Variants in DNAH8 observed in about 807,000 individuals in gnomAD.
DNAH8 encodes axonemal beta dynein heavy chain 8.
A neutral mutation model predicts 562.1 loss-of-function variants in DNAH8; 382 were observed. The ratio of observed to expected loss-of-function variants is 0.68; its 90% confidence interval spans 0.63 to 0.74. DNAH8 has a LOEUF of 0.74. DNAH8 is among the 30% of genes least tolerant of loss of function. The pLI is 0.00. For missense variants in DNAH8, 5,203 were observed against 5,620.4 expected, an observed-to-expected ratio of 0.93 and a Z score of 2.37; for synonymous variants, 1,881 against 1,919.4, an observed-to-expected ratio of 0.98 and a Z score of 0.52.
At chr6:38,813,124 G>A (rs1771943982) in intron 24 of DNAH8, among the ~76,000 whole-genome samples, 1 of 152,090 alleles carries the variant, frequency 6.6e-6, no homozygotes, top group Admixed American at 6.6e-5. Flanking sequence ...ATGATCTAGT[G>A]CACTGTTCAC....
At chr6:38,972,886 CCCTT>C (rs1164619046) in intron 83 of DNAH8, among the ~76,000 whole-genome samples, 1 of 152,136 alleles carries the variant, frequency 6.6e-6, no homozygotes, top group Non-Finnish European at 1.5e-5. Flanking sequence ...ACGGCACATC[CCCTT>C]TACTAGTTAA....
At chr6:38,772,841 G>A (rs1240352976) in intron 12 of DNAH8, among the ~76,000 whole-genome samples, 1 of 148,592 alleles carries the variant, frequency 6.7e-6, no homozygotes, top group African/African-American at 2.4e-5. Context: ...AAAAAATTGA[G>A]ATGGGGTCCT....
At chr6:38,892,001 C>T (rs1319747762) in intron 58 of DNAH8, among the ~76,000 whole-genome samples, 2 of 152,124 alleles carry the variant, frequency 1.3e-5, no homozygotes, top group Non-Finnish European at 2.9e-5. Flanking sequence ...AGCATTTGAC[C>T]TAAATGATCC....
Position 38,945,491 on chromosome 6 carries a change from C to G in DNAH8, c.12032C>G (p.Ala4011Gly), listed in dbSNP as rs1237658259. The change falls in exon 80 of 93, where the codon GCC becomes GGC. Residue 4011 changes from alanine (A) to glycine (G), a missense_variant. Physicochemically the swap from Ala to Gly is moderately conservative, Grantham distance 60. This residue lies in a region of DNAH8 where 1,399 missense variants were observed against 1,518.4 expected (regional missense o/e 0.92). Transcript: ENST00000327475. ...IKGGAALDLK[A>G]CPPKPYRWIL... ...GGGGGAGCAGCTCTGGACCTGAAAG[C>G]CTGTCCTCCCAAACCCTATCGCTGG... The G allele has an allele frequency of 3.1e-6, 5 of 1,614,046 alleles. No homozygotes were observed. Among genetic ancestry groups the G allele is most frequent in the Middle Eastern group, 1.6e-4 (1 of 6,082 alleles).
In DNAH8 at chr6:38,769,170, T is replaced by C. The variant is rs185563505; in HGVS notation, c.1618-1243T>C. 2.2e-3 allele frequency among the ~76,000 whole-genome samples: 330 copies of C among 152,346 alleles called. 2 individuals are homozygous for C. Among genetic ancestry groups the C allele is most frequent in the African/African-American group, 7.5e-3 (314 of 41,590 alleles). On this transcript the variant is annotated intron_variant, in intron 11 of 92. Coordinates refer to ENST00000327475, the MANE Select transcript of DNAH8 (RefSeq NM_001206927.2). Reference sequence around the variant, plus strand: ...ATGAGTTGGAGGAAACAATGAGAATTGTTACTCAGAATCTTATCTGAGAAC... The same window carrying C: ...ATGAGTTGGAGGAAACAATGAGAATCGTTACTCAGAATCTTATCTGAGAAC...
intron 5 of DNAH8, 94 bp from the exon 6 acceptor site, chr6:38,736,973 T>G: frequency 1.2e-6 from 1 of 846,486 alleles, no homozygotes; most frequent in Non-Finnish European, 1.7e-6. Context: ...ATGTATTAGT[T>G]GTCTATGTTT....
chr6:38,772,971 C>CTTTTTTTTTTTTTTTT lies in DNAH8; in HGVS notation c.1764+2424_1764+2439dup, dbSNP rs58784448. 2.0e-3 allele frequency among the ~76,000 whole-genome samples: 177 copies of CTTTTTTTTTTTTTTTT among 88,056 alleles called. 16 individuals are homozygous for CTTTTTTTTTTTTTTTT. The highest frequency in any genetic ancestry group is 2.3e-3 in the African/African-American group (45 of 19,436). The allele number at this position is 88,056 out of a possible 152,430, so 57.8% of individuals were successfully genotyped here. ...ATACCACCATGCCTAGCTAATTAAA[C>CTTTTTTTTTTTTTTTT]TTTTTTTTTTTTTTTTTTTTTTTTT... On this transcript the variant is annotated intron_variant, in intron 12 of 92. Transcript: ENST00000327475.
chr6:38,774,003 G>T (rs1364604712), intron 12 of DNAH8, among the ~76,000 whole-genome samples: 2 of 152,216 alleles, frequency 1.3e-5, no homozygotes, highest in Non-Finnish European at 2.9e-5. Context: ...AGGAGTAAGT[G>T]AAGAAGGCTC....
intron 33 of DNAH8, among the ~76,000 whole-genome samples, chr6:38,838,773 C>A (rs1045267879): frequency 6.6e-6 from 1 of 152,110 alleles, no homozygotes; most frequent in Non-Finnish European, 1.5e-5. Context: ...TTGAGATTGA[C>A]GTCCAAATAA....
At chr6:38,840,144 T>C (rs1774657400) in intron 33 of DNAH8, among the ~76,000 whole-genome samples, 1 of 152,238 alleles carries the variant, frequency 6.6e-6, no homozygotes, top group South Asian at 2.1e-4. Flanking sequence ...AATATGGATT[T>C]CATATTTTAA....
At chr6:38,957,150 A>G (rs1762300342) in intron 82 of DNAH8, among the ~76,000 whole-genome samples, 1 of 152,130 alleles carries the variant, frequency 6.6e-6, no homozygotes, top group South Asian at 2.1e-4. Flanking sequence ...CTTATATCAG[A>G]TAAAATAGAC....
intron 82 of DNAH8, among the ~76,000 whole-genome samples, chr6:38,971,376 C>G (rs1763335680): frequency 6.6e-6 from 1 of 152,126 alleles, no homozygotes; most frequent in Non-Finnish European, 1.5e-5. Context: ...TTCCTGACCC[C>G]CAACCCACGC....
At chr6:38,827,545 A>T (rs1485657630) in intron 29 of DNAH8, among the ~76,000 whole-genome samples, 1 of 151,866 alleles carries the variant, frequency 6.6e-6, no homozygotes, top group Non-Finnish European at 1.5e-5. Context: ...AATATTTATG[A>T]CTGTTTTATG....
At chr6:38,866,995 T>C in intron 47 of DNAH8, 119 bp downstream of exon 47, 1 of 604,736 alleles carries the variant, frequency 1.7e-6, no homozygotes. Flanking sequence ...TCTAAAATGC[T>C]TTTAGAATTA....
chr6:38,983,786 C>T (rs1444685014), intron 86 of DNAH8, among the ~76,000 whole-genome samples: 1 of 152,106 alleles, frequency 6.6e-6, no homozygotes, highest in Non-Finnish European at 1.5e-5. Flanking sequence ...TTGTTGTTCT[C>T]GTAATGATTC....
intron 24 of DNAH8, among the ~76,000 whole-genome samples, chr6:38,811,858 A>C (rs1326282138): frequency 6.6e-6 from 1 of 152,104 alleles, no homozygotes; most frequent in East Asian, 1.9e-4. Context: ...TGGAACCCTG[A>C]GTACAGAACC....
rs780498241 is a variant in DNAH8, at chr6:38,886,834, T to C, written c.8303T>C (p.Met2768Thr). 8.1e-6 allele frequency: 13 copies of C among 1,613,982 alleles called. No individual in the cohort carries two copies. In the Admixed American group the frequency reaches 8.3e-5, roughly 10 times the overall value. The change falls in exon 57 of 93, where the codon ATG becomes ACG. Residue 2768 changes from methionine to threonine, a missense_variant. Transcript: ENST00000327475. ...CGACAGATGATGGAAATGGAAGGAATGTACAGCTTGGACAAGCCTGGAGAC... is the reference window on the plus strand; with the variant it reads ...CGACAGATGATGGAAATGGAAGGAACGTACAGCTTGGACAAGCCTGGAGAC... Reference protein sequence around the residue: ...IVRQMMEMEGMYSLDKPGDFT... With the variant: ...IVRQMMEMEGTYSLDKPGDFT...
At chr6:38,774,399 T>C (rs1767867225) in intron 12 of DNAH8, among the ~76,000 whole-genome samples, 1 of 151,894 alleles carries the variant, frequency 6.6e-6, no homozygotes, top group Non-Finnish European at 1.5e-5. Flanking sequence ...TGGTGGTGAG[T>C]ACTGAGAGAT....
In DNAH8 at chr6:38,951,439, C is replaced by T. The variant is rs1318531581; in HGVS notation, c.12370C>T (p.Arg4124Trp). Residue 4124 changes from arginine (R) to tryptophan (W), a missense_variant, in exon 82 of 93, where the codon CGG becomes TGG. Physicochemically the swap from Arg to Trp is moderately radical, Grantham distance 101 (BLOSUM62 -3). Coordinates refer to ENST00000327475, the MANE Select transcript of DNAH8 (RefSeq NM_001206927.2). ...LEKTWEESDT[R>W]TPLICFLSMG... is the part of the protein sequence containing the mutation. ...GAAAACTTGGGAAGAAAGTGATACC[C>T]GGACACCTCTGATATGCTTCCTGTC... The T allele has an allele frequency of 5.0e-6, 8 of 1,613,938 alleles. No homozygotes were observed. Among genetic ancestry groups the T allele is most frequent in the South Asian group, 3.3e-5 (3 of 91,068 alleles).
Sources: gnomAD v4.1 joint callset for allele counts (sites outside exome capture counted in the v4.1 genomes callset) on GRCh38, gnomAD v4.1.1 for gene constraint, gnomAD v4.1.1 regional missense constraint, MANE v1.5 for transcripts, NCBI Gene and HGNC (gene_info 2026-07-23, HGNC 2026-07-21) for gene names.